The following CLK4 variants were observed in gnomAD, a reference collection of about 807,000 sequenced individuals.
CLK4 encodes CDC like kinase 4, also known as dual specificity protein kinase CLK4.
A neutral mutation model predicts 64.4 loss-of-function variants in CLK4; 37 were observed. The observed-to-expected ratio is 0.57, with a 90% CI of 0.44 to 0.76. The LOEUF (loss-of-function observed/expected upper bound fraction) is 0.76, where lower values mean the gene tolerates loss of function less well. CLK4 is among the 30% of genes least tolerant of loss of function. CLK4 has a pLI of 0.00. For missense variants in CLK4, 457 were observed against 605.1 expected, an observed-to-expected ratio of 0.76 and a Z score of 2.57; for synonymous variants, 175 against 191.6, an observed-to-expected ratio of 0.91 and a Z score of 0.72.
chr5:178,608,498 C>T (rs1298797283), intron 9 of CLK4, 40 bp from the exon 10 acceptor site: 4 of 1,488,974 alleles, frequency 2.7e-6, no homozygotes, highest in South Asian at 2.4e-5. Context: ...TATGCAAAAA[C>T]TTTTAATTGA....
At chr5:178,604,265 G>A (rs1764427871) in intron 11 of CLK4, 1 of 176,926 alleles carries the variant, frequency 5.7e-6, no homozygotes, top group Non-Finnish European at 1.2e-5. Flanking sequence ...AACTCCCTCG[G>A]TGGCTTCTGC....
At chr5:178,612,715 G>C (rs553798661) in intron 8 of CLK4, 81 bp downstream of exon 8, 1 of 1,075,892 alleles carries the variant, frequency 9.3e-7, no homozygotes. Context: ...AGGCTCAGAA[G>C]TGAAATTCCT....
chr5:178,619,880 G>A (rs1223066157), intron 2 of CLK4: 1 of 972,170 alleles, frequency 1.0e-6, no homozygotes, highest in Non-Finnish European at 1.4e-6. Context: ...AGCTTCAAGA[G>A]GGATGCACAT....
rs201086839 is a variant in CLK4, at chr5:178,623,292, T to C, written c.125A>G (p.His42Arg). 2.8e-5 allele frequency: 45 copies of C among 1,613,892 alleles called. 1 individual carries two copies. Among genetic ancestry groups the C allele is most frequent in the Non-Finnish European group, 3.6e-5 (43 of 1,179,944 alleles). ...RSHSSTQENR[H>R]CKPHHQFKES... ...TTTAAACTGGTGATGTGGTTTACAA[T>C]GCCTGTTCTCTTGTGTGCTACTATG... is the stretch of plus-strand genomic sequence containing the variant. Residue 42 changes from histidine (H) to arginine (R), a missense_variant, in exon 2 of 13, where the codon CAT becomes CGT. His to Arg is a conservative substitution (Grantham distance 29). Transcript: ENST00000316308.
chr5:178,613,557 C>G lies in CLK4; in HGVS notation c.742G>C (p.Asp248His). 6.2e-7 allele frequency: 1 copy of G among 1,612,282 alleles called. No homozygotes were observed. Among genetic ancestry groups the G allele is most frequent in the East Asian group, 2.2e-5 (1 of 44,806 alleles). Residue 248 changes from aspartate to histidine, a missense_variant, in exon 7 of 13, where the codon GAT becomes CAT. By Grantham distance (81) the Asp-to-His change is moderately conservative. Coordinates refer to ENST00000316308, the MANE Select transcript of CLK4 (RefSeq NM_020666.3). ...VFELLGLSTY[D>H]FIKENSFLPF... is the part of the protein sequence containing the mutation. ...AGAAAGCTGTTTTCTTTAATGAAATCGTAAGTACTAAGTCCCAGTAGTTCA... is the reference window on the plus strand; with the variant it reads ...AGAAAGCTGTTTTCTTTAATGAAATGGTAAGTACTAAGTCCCAGTAGTTCA...
At chr5:178,621,150 C>T (rs536945227) in intron 2 of CLK4, among the ~76,000 whole-genome samples, 11 of 152,232 alleles carry the variant, frequency 7.2e-5, no homozygotes, top group African/African-American at 2.2e-4. Context: ...TCTCAAAGGA[C>T]GGTCTATTTA....
intron 2 of CLK4, chr5:178,620,541 G>A: frequency 5.4e-6 from 1 of 184,194 alleles, no homozygotes; most frequent in Non-Finnish European, 1.5e-5. Context: ...CTATGGACAG[G>A]GTAGACAGGA....
At chr5:178,621,440 T>C (rs1764704920) in intron 2 of CLK4, among the ~76,000 whole-genome samples, 1 of 152,014 alleles carries the variant, frequency 6.6e-6, no homozygotes. Context: ...AAAAGACAAA[T>C]CATAAAGAAA....
intron 2 of CLK4, chr5:178,620,086 A>G: frequency 3.1e-6 from 1 of 323,452 alleles, no homozygotes; most frequent in Non-Finnish European, 6.4e-6. Flanking sequence ...CTACTACCCA[A>G]TAGGGCTAGC....
At chr5:178,605,967 T>A (rs975721068) in intron 10 of CLK4, 2 of 152,222 alleles carry the variant, frequency 1.3e-5, no homozygotes, top group African/African-American at 4.8e-5. Context: ...CAGGCAGGAT[T>A]TCACCATGGG....
chr5:178,619,144 T>G (rs1001199207), intron 2 of CLK4, among the ~76,000 whole-genome samples: 1 of 152,214 alleles, frequency 6.6e-6, no homozygotes, highest in Non-Finnish European at 1.5e-5. Context: ...AAGGATTCCT[T>G]TCTCTTGTAA....
At chr5:178,616,278 A>C (rs2113809269) in intron 5 of CLK4, among the ~76,000 whole-genome samples, 1 of 152,164 alleles carries the variant, frequency 6.6e-6, no homozygotes, top group Non-Finnish European at 1.5e-5. Context: ...TTGTATTTTT[A>C]GTAGAGAATG....
chr5:178,617,488 G>T lies in CLK4; in HGVS notation c.385-54C>A. ...TCGTCCAGCCAATCAATATATCAGA[G>T]TGAATTCAGGGCAGAATACGCAATT... On this transcript the variant is annotated intron_variant, in intron 3 of 12. Transcript: ENST00000316308. The surrounding 1 kb of genome is among the most constrained non-coding windows in gnomAD (Gnocchi z 5.2). The T allele has an allele frequency of 6.8e-7, 1 of 1,474,146 alleles. No homozygotes were observed. 91.3% of individuals were successfully genotyped at this position (1,474,146 alleles called of 1,614,324 possible).
chr5:178,610,061 C>A (rs137988194), intron 9 of CLK4, among the ~76,000 whole-genome samples: 2,904 of 152,110 alleles, frequency 0.019, 104 homozygotes, highest in African/African-American at 0.065. Flanking sequence ...GAGGCCAAGG[C>A]AGGTGAATCA....
intron 9 of CLK4, among the ~76,000 whole-genome samples, chr5:178,612,039 T>C (rs1764564971): frequency 6.6e-6 from 1 of 152,202 alleles, no homozygotes; most frequent in African/African-American, 2.4e-5. Flanking sequence ...CATCCTATAT[T>C]CTAGACATCT....
chr5:178,614,888 CTATT>C (rs1334499867), intron 5 of CLK4, among the ~76,000 whole-genome samples: 1 of 152,202 alleles, frequency 6.6e-6, no homozygotes, highest in Non-Finnish European at 1.5e-5. Flanking sequence ...CTACTCCTAT[CTATT>C]TAATTATATG....
intron 5 of CLK4, among the ~76,000 whole-genome samples, chr5:178,615,034 A>G (rs1764607752): frequency 6.6e-6 from 1 of 152,214 alleles, no homozygotes; most frequent in Non-Finnish European, 1.5e-5. Context: ...CAATAAAGGA[A>G]ACATTCCAGG....
In CLK4 at chr5:178,617,044, A is replaced by G; in HGVS notation, c.476-96T>C. ...CTTAAGTGTGGAATATTTTCAAATG[A>G]TCTCTAACAAAGCATAACTAAGGTT... On this transcript the variant is annotated intron_variant, in intron 4 of 12. Coordinates refer to ENST00000316308, the MANE Select transcript of CLK4 (RefSeq NM_020666.3). This position sits in a 1 kb window ranked among gnomAD's most constrained non-coding sequence, Gnocchi z 5.2. 1 of 861,154 alleles carries G rather than the reference A, an allele frequency of 1.2e-6. No individual in the cohort carries two copies. Among genetic ancestry groups the G allele is most frequent in the Admixed American group, 2.2e-5 (1 of 44,998 alleles). The allele number at this position is 861,154 out of a possible 1,614,324, so 53.3% of individuals were successfully genotyped here. A position where few individuals can be genotyped will look rare whatever the true frequency, so the allele number is the denominator to read the frequency against.
intron 2 of CLK4, chr5:178,620,484 A>C: frequency 2.9e-6 from 1 of 340,984 alleles, no homozygotes; most frequent in Non-Finnish European, 6.0e-6. Flanking sequence ...ATGGCCAATG[A>C]CCAAGGCTGA....
Sources: allele counts gnomAD v4.1 joint callset (sites outside exome capture counted in the v4.1 genomes callset), GRCh38; gene constraint gnomAD v4.1.1; non-coding constraint Gnocchi (gnomAD v3.1); transcripts MANE v1.5; gene names NCBI Gene and HGNC (gene_info 2026-07-23, HGNC 2026-07-21).